PCSK2: variants seen among roughly 807,000 people sequenced by gnomAD.
The protein encoded by PCSK2 is neuroendocrine convertase 2.
Under a neutral mutation model 69.7 loss-of-function variants are expected in PCSK2, and 14 were observed. That is an observed-to-expected ratio of 0.20 (90% CI 0.13 to 0.31). The LOEUF (loss-of-function observed/expected upper bound fraction) is 0.31, where lower values mean the gene tolerates loss of function less well. Among genes scored for constraint, PCSK2 ranks in the 10% least tolerant of loss-of-function variants. The pLI, the probability that PCSK2 is intolerant of heterozygous loss-of-function variation, is 1.00. For synonymous variants in PCSK2, 307 were observed against 320.7 expected, an observed-to-expected ratio of 0.96 and a Z score of 0.46; for missense variants, 544 against 842.5, an observed-to-expected ratio of 0.65 and a Z score of 4.39.
At chr20:17,372,607 C>T (rs1600529301) in intron 5 of PCSK2, among the ~76,000 whole-genome samples, 4 of 152,170 alleles carry the variant, frequency 2.6e-5, no homozygotes, top group East Asian at 1.9e-4. Flanking sequence ...TGCAAAACTG[C>T]GCATCTTGAT....
intron 10 of PCSK2, among the ~76,000 whole-genome samples, chr20:17,459,785 G>T (rs1181299344): frequency 6.6e-6 from 1 of 152,172 alleles, no homozygotes; most frequent in Non-Finnish European, 1.5e-5. Context: ...ACTTTTCAAT[G>T]CCTGTTCCCC....
intron 1 of PCSK2, among the ~76,000 whole-genome samples, chr20:17,233,464 A>G (rs1195792573): frequency 6.6e-6 from 1 of 152,206 alleles, no homozygotes. Flanking sequence ...CCAGCCCAGC[A>G]GCAATCCACC....
At chr20:17,329,180 G>C (rs1600496319) in intron 2 of PCSK2, among the ~76,000 whole-genome samples, 1 of 152,150 alleles carries the variant, frequency 6.6e-6, no homozygotes, top group Non-Finnish European at 1.5e-5. Flanking sequence ...AACTTCAAAA[G>C]GAGTAAATCA....
At chr20:17,355,422 T>C (rs2030160082) in intron 2 of PCSK2, among the ~76,000 whole-genome samples, 1 of 152,074 alleles carries the variant, frequency 6.6e-6, no homozygotes, top group Non-Finnish European at 1.5e-5. Context: ...AGGCCTCCGA[T>C]TAGTGAGTAG....
chr20:17,269,114 A>C (rs777697809), intron 2 of PCSK2, among the ~76,000 whole-genome samples: 3 of 152,226 alleles, frequency 2.0e-5, no homozygotes, highest in Non-Finnish European at 4.4e-5. Context: ...TTAACATTTG[A>C]GATTTGTATT....
intron 2 of PCSK2, among the ~76,000 whole-genome samples, chr20:17,345,670 C>A (rs1048198116): frequency 1.3e-5 from 2 of 152,194 alleles, no homozygotes; most frequent in African/African-American, 2.4e-5. Context: ...TCAGAACATG[C>A]ACAAATCAGA....
At chr20:17,256,866 G>A (rs182624720) in intron 1 of PCSK2, among the ~76,000 whole-genome samples, 1 of 152,158 alleles carries the variant, frequency 6.6e-6, no homozygotes, top group African/African-American at 2.4e-5. Flanking sequence ...GTAAAAACAT[G>A]CAGTGCTTGG....
intron 5 of PCSK2, among the ~76,000 whole-genome samples, chr20:17,370,165 T>C (rs2030715833): frequency 6.6e-6 from 1 of 152,232 alleles, no homozygotes; most frequent in Non-Finnish European, 1.5e-5. Flanking sequence ...AAACTATTTC[T>C]AAGCTATACT....
chr20:17,338,015 G>T (rs1274774979), intron 2 of PCSK2, among the ~76,000 whole-genome samples: 1 of 151,848 alleles, frequency 6.6e-6, no homozygotes, highest in Non-Finnish European at 1.5e-5. Flanking sequence ...CTGGGTTCAG[G>T]TCAGATCAGG....
intron 2 of PCSK2, chr20:17,263,165 T>A: frequency 1.0e-6 from 1 of 983,536 alleles, no homozygotes; most frequent in Non-Finnish European, 1.2e-6. Flanking sequence ...AGGTACTTTT[T>A]GGCTTTTTTT....
chr20:17,303,206 T>G (rs1989145956), intron 2 of PCSK2, among the ~76,000 whole-genome samples: 1 of 143,414 alleles, frequency 7.0e-6, no homozygotes, highest in African/African-American at 2.5e-5. Context: ...TATATTATTA[T>G]AATATAACCA....
intron 5 of PCSK2, among the ~76,000 whole-genome samples, chr20:17,406,235 A>T: frequency 6.6e-6 from 1 of 152,218 alleles, no homozygotes; most frequent in Non-Finnish European, 1.5e-5. Flanking sequence ...AATTCAAATC[A>T]ATAAATGACT....
chr20:17,405,893 CT>C (rs2031740364), intron 5 of PCSK2, among the ~76,000 whole-genome samples: 1 of 152,174 alleles, frequency 6.6e-6, no homozygotes, highest in Non-Finnish European at 1.5e-5. Context: ...ACCCAACCTT[CT>C]CACTTTCGGT....
chr20:17,432,879 C>T (rs994902184), intron 7 of PCSK2, among the ~76,000 whole-genome samples: 1 of 152,104 alleles, frequency 6.6e-6, no homozygotes, highest in East Asian at 1.9e-4. Context: ...CCATATAGCT[C>T]ACAGTCTAGG....
intron 6 of PCSK2, among the ~76,000 whole-genome samples, chr20:17,419,399 A>T (rs2032073524): frequency 6.6e-6 from 1 of 152,238 alleles, no homozygotes; most frequent in Non-Finnish European, 1.5e-5. Context: ...AAAGAGTATA[A>T]TTTTCTCTTA....
At chr20:17,481,107 G>T (rs1399312505) in intron 11 of PCSK2, among the ~76,000 whole-genome samples, 1 of 152,122 alleles carries the variant, frequency 6.6e-6, no homozygotes, top group Non-Finnish European at 1.5e-5. Flanking sequence ...ACAGCCGGGC[G>T]TGGTGGCTCA....
intron 6 of PCSK2, among the ~76,000 whole-genome samples, chr20:17,425,082 G>T (rs1047671443): frequency 6.6e-6 from 1 of 152,094 alleles, no homozygotes; most frequent in Non-Finnish European, 1.5e-5. Context: ...AGCCTATAAA[G>T]AATTATGTTT....
chr20:17,481,404 AAAAAAAAAAAG>A (rs1273596388), intron 11 of PCSK2, among the ~76,000 whole-genome samples, 169 bp from the exon 12 acceptor site: 2 of 143,440 alleles, frequency 1.4e-5, no homozygotes, highest in African/African-American at 5.5e-5. Flanking sequence ...AAAAAAAAAA[AAAAAAAAAAAG>A]AGATAAGTAA....
At chr20:17,248,063 T>C (rs1986831914) in intron 1 of PCSK2, among the ~76,000 whole-genome samples, 1 of 152,204 alleles carries the variant, frequency 6.6e-6, no homozygotes, top group African/African-American at 2.4e-5. Flanking sequence ...TCACCCAGCC[T>C]GAATCTTCAA....
Sources: gnomAD v4.1 joint callset for allele counts (sites outside exome capture counted in the v4.1 genomes callset) on GRCh38, gnomAD v4.1.1 for gene constraint, MANE v1.5 for transcripts, NCBI Gene and HGNC (gene_info 2026-07-23, HGNC 2026-07-21) for gene names.